The following ABTB3 variants were observed in gnomAD, a reference collection of about 807,000 sequenced individuals.
ABTB3 encodes the protein ankyrin repeat- and BTB/POZ domain-containing protein 3.
chr12:107,448,732 C>T, the ABTB3 span, among the ~76,000 whole-genome samples: 10 of 151,966 alleles, frequency 6.6e-5, no homozygotes, highest in Admixed American at 6.6e-4. Context: ...ACTCCACCAC[C>T]CAGGTTCAAG....
the ABTB3 span, among the ~76,000 whole-genome samples, chr12:107,589,390 G>A: frequency 2.0e-5 from 3 of 152,216 alleles, no homozygotes; most frequent in Admixed American, 2.0e-4. Context: ...ATCAGCTGGG[G>A]CTGTCTGGCT....
At chr12:107,441,789 A>AAAAAAAAAAAAAAAAAAAAAAAAAAAAAC in the ABTB3 span, among the ~76,000 whole-genome samples, 1 of 151,238 alleles carries the variant, frequency 6.6e-6, no homozygotes, top group African/African-American at 2.4e-5. Flanking sequence ...AAAAAAAAAA[A>AAAAAAAAAAAAAAAAAAAAAAAAAAAAAC]AATAGCAGGG....
chr12:107,643,839 C>T, the ABTB3 span, among the ~76,000 whole-genome samples: 30 of 148,322 alleles, frequency 2.0e-4, 1 homozygote, highest in South Asian at 5.8e-3. Context: ...TCTTGGCTCA[C>T]GGCAACCTCC....
chr12:107,603,500 G>A, the ABTB3 span, among the ~76,000 whole-genome samples: 1 of 152,160 alleles, frequency 6.6e-6, no homozygotes, highest in Non-Finnish European at 1.5e-5. Context: ...AAAAGGCTTT[G>A]GGGAAACTGG....
At chr12:107,441,856 C>G in the ABTB3 span, among the ~76,000 whole-genome samples, 1 of 151,274 alleles carries the variant, frequency 6.6e-6, no homozygotes. Flanking sequence ...GGGAAGATTG[C>G]TTGAGCCCTG....
chr12:107,658,589 T>C, the ABTB3 span: 1 of 152,652 alleles, frequency 6.6e-6, no homozygotes, highest in Non-Finnish European at 1.5e-5. Context: ...CTGTGAAATG[T>C]TACGTTTGTG....
At chr12:107,574,298 CA>C in the ABTB3 span, among the ~76,000 whole-genome samples, 1 of 152,326 alleles carries the variant, frequency 6.6e-6, no homozygotes, top group South Asian at 2.1e-4. Context: ...TTTTCCTCCC[CA>C]ACTTAAACAC....
the ABTB3 span, among the ~76,000 whole-genome samples, chr12:107,461,389 C>T: frequency 6.6e-6 from 1 of 152,006 alleles, no homozygotes; most frequent in African/African-American, 2.4e-5. Context: ...AAGAAGGCCA[C>T]GTGATGACAG....
At chr12:107,323,348 C>T in the ABTB3 span, among the ~76,000 whole-genome samples, 1 of 152,104 alleles carries the variant, frequency 6.6e-6, no homozygotes, top group Non-Finnish European at 1.5e-5. Context: ...TGCTAAACTG[C>T]CCAGGCTAAG....
the ABTB3 span, chr12:107,635,490 G>A: frequency 9.3e-7 from 1 of 1,071,684 alleles, no homozygotes; most frequent in Non-Finnish European, 1.4e-6. Context: ...GGGGGTTCAA[G>A]GGCAAACAAG....
At chr12:107,404,157 T>C in the ABTB3 span, among the ~76,000 whole-genome samples, 38,304 of 80,752 alleles carry the variant, frequency 0.47, 7,419 homozygotes, top group East Asian at 0.66. Flanking sequence ...AGAGAGACTC[T>C]AACTCAAAAA....
chr12:107,608,968 TATA>T, the ABTB3 span, among the ~76,000 whole-genome samples: 195 of 101,780 alleles, frequency 1.9e-3, 4 homozygotes, highest in African/African-American at 6.9e-3. Flanking sequence ...TAAAATAAAA[TATA>T]AAATAAAATA....
chr12:107,382,358 C>A, the ABTB3 span, among the ~76,000 whole-genome samples: 100 of 152,228 alleles, frequency 6.6e-4, no homozygotes, highest in African/African-American at 2.3e-3. Flanking sequence ...GGGTGCAAAG[C>A]CACTAGATGT....
At chr12:107,389,709 G>T in the ABTB3 span, among the ~76,000 whole-genome samples, 1 of 151,610 alleles carries the variant, frequency 6.6e-6, no homozygotes, top group Non-Finnish European at 1.5e-5. Flanking sequence ...CTCCAACAAC[G>T]TCAGCTGGGG....
At chr12:107,517,176 G>A in the ABTB3 span, among the ~76,000 whole-genome samples, 6 of 152,124 alleles carry the variant, frequency 3.9e-5, no homozygotes, top group Non-Finnish European at 8.8e-5. Flanking sequence ...TCAGATGGTT[G>A]TAGATGTGTG....
the ABTB3 span, among the ~76,000 whole-genome samples, chr12:107,546,674 G>A: frequency 6.6e-6 from 1 of 152,088 alleles, no homozygotes; most frequent in Non-Finnish European, 1.5e-5. Flanking sequence ...GACCAGCCTG[G>A]CCAACATGGT....
the ABTB3 span, among the ~76,000 whole-genome samples, chr12:107,491,814 C>T: frequency 7.0e-6 from 1 of 143,148 alleles, no homozygotes; most frequent in Non-Finnish European, 1.5e-5. Flanking sequence ...CAGAGTGAGA[C>T]TCTGTCTCAA....
At chr12:107,590,599 G>A in the ABTB3 span, among the ~76,000 whole-genome samples, 3 of 152,218 alleles carry the variant, frequency 2.0e-5, no homozygotes, top group African/African-American at 7.2e-5. Flanking sequence ...AGGCTGGTGT[G>A]GGTGGAAACC....
the ABTB3 span, among the ~76,000 whole-genome samples, chr12:107,380,645 G>A: frequency 6.6e-6 from 1 of 152,170 alleles, no homozygotes; most frequent in African/African-American, 2.4e-5. Context: ...TGGGGTGCCT[G>A]CTGAGTGTAA....
Sources: allele counts gnomAD v4.1 joint callset (sites outside exome capture counted in the v4.1 genomes callset), GRCh38; gene constraint gnomAD v4.1.1; transcripts MANE v1.5; gene names NCBI Gene and HGNC (gene_info 2026-07-23, HGNC 2026-07-21).